The following SLC30A8 variants were observed in gnomAD, a reference collection of about 807,000 sequenced individuals.
SLC30A8 encodes solute carrier family 30 member 8.
Under a neutral mutation model 36.9 loss-of-function variants are expected in SLC30A8, and 27 were observed. That is an observed-to-expected ratio of 0.73 (90% CI 0.54 to 1.01). The LOEUF (loss-of-function observed/expected upper bound fraction) is 1.01, where lower values mean the gene tolerates loss of function less well. Ranked by LOEUF, SLC30A8 falls within the 50% of genes least tolerant of loss-of-function variation. The pLI, the probability that SLC30A8 is intolerant of heterozygous loss-of-function variation, is 0.00. For synonymous variants in SLC30A8, 164 were observed against 172.4 expected, an observed-to-expected ratio of 0.95 and a Z score of 0.38; for missense variants, 439 against 452.0, an observed-to-expected ratio of 0.97 and a Z score of 0.26.
intron 1 of SLC30A8, among the ~76,000 whole-genome samples, chr8:117,021,073 A>G (rs1816681763): frequency 6.6e-6 from 1 of 152,148 alleles, no homozygotes; most frequent in African/African-American, 2.4e-5. Context: ...CCTGTTTTTT[A>G]TGGTCCAAGG....
At chr8:117,090,660 C>A (rs7831269) in intron 2 of SLC30A8, among the ~76,000 whole-genome samples, 17,894 of 152,180 alleles carry the variant, frequency 0.12, 1,137 homozygotes, top group East Asian at 0.14. Context: ...AAAGGCTTCA[C>A]CTCCTAATCC....
chr8:117,156,893 G>T (rs565282287), intron 3 of SLC30A8, among the ~76,000 whole-genome samples: 3 of 152,160 alleles, frequency 2.0e-5, no homozygotes, highest in Non-Finnish European at 2.9e-5. Context: ...TCTGGGATTA[G>T]CTTAAAGTGG....
In SLC30A8 at chr8:117,161,722, T is replaced by C. The variant is rs747416909; in HGVS notation, c.573-16T>C. 3.1e-6 allele frequency: 5 copies of C among 1,610,092 alleles called. No individual in the cohort carries two copies. In the East Asian group the frequency reaches 6.7e-5, roughly 22 times the overall value. On this transcript the variant is annotated splice_polypyrimidine_tract_variant and intron_variant, in intron 4 of 7. Coordinates refer to ENST00000456015, the MANE Select transcript of SLC30A8 (RefSeq NM_173851.3). ...ACTGACCTCATGTGTGCTAAGAACA[T>C]TGTTCTCTCTTTCAGACTAACTGTG...
chr8:117,147,279 C>T (rs1821944305), intron 2 of SLC30A8, 126 bp downstream of exon 2: 2 of 759,018 alleles, frequency 2.6e-6, no homozygotes, highest in Non-Finnish European at 4.2e-6. Context: ...TAACAATATG[C>T]TCATTGTAGA....
chr8:117,111,146 T>C (rs974691989), intron 2 of SLC30A8, among the ~76,000 whole-genome samples: 3 of 152,114 alleles, frequency 2.0e-5, no homozygotes, highest in African/African-American at 7.2e-5. Flanking sequence ...AATAATAAAA[T>C]TAGAAAAAAT....
intron 1 of SLC30A8, among the ~76,000 whole-genome samples, chr8:117,017,492 C>G (rs1334479421): frequency 2.0e-5 from 3 of 152,226 alleles, no homozygotes; most frequent in Non-Finnish European, 4.4e-5. Flanking sequence ...TACTCTCTGT[C>G]TGGCATAGTT....
chr8:116,963,025 AAG>A (rs1393886335), intron 1 of SLC30A8, among the ~76,000 whole-genome samples: 2 of 151,908 alleles, frequency 1.3e-5, no homozygotes, highest in Non-Finnish European at 2.9e-5. Flanking sequence ...GGTGAAATTA[AAG>A]AGAGAGAAAC....
chr8:116,976,830 T>TCTTTTC (rs1815043951), intron 1 of SLC30A8, among the ~76,000 whole-genome samples: 7 of 142,670 alleles, frequency 4.9e-5, no homozygotes, highest in African/African-American at 1.8e-4. Flanking sequence ...TTCTTTTTTT[T>TCTTTTC]TTTTTTTTAC....
At chr8:117,016,934 A>G (rs1038125501) in intron 1 of SLC30A8, among the ~76,000 whole-genome samples, 1 of 152,102 alleles carries the variant, frequency 6.6e-6, no homozygotes, top group African/African-American at 2.4e-5. Flanking sequence ...GCATGCTCAC[A>G]ACAAGATAAA....
At chr8:117,129,476 A>T (rs1211059001) in intron 2 of SLC30A8, among the ~76,000 whole-genome samples, 1 of 152,006 alleles carries the variant, frequency 6.6e-6, no homozygotes, top group Non-Finnish European at 1.5e-5. Context: ...CCATAGGAAA[A>T]GTTCAAGGGA....
chr8:117,145,470 A>T (rs1201358926), intron 1 of SLC30A8, among the ~76,000 whole-genome samples: 1 of 152,094 alleles, frequency 6.6e-6, no homozygotes, highest in Non-Finnish European at 1.5e-5. Flanking sequence ...AGCCAAAACC[A>T]TCAGACTTTT....
At chr8:117,068,411 A>T (rs1207548536) in intron 2 of SLC30A8, among the ~76,000 whole-genome samples, 2 of 152,126 alleles carry the variant, frequency 1.3e-5, no homozygotes, top group Admixed American at 6.5e-5. Context: ...GATGATTATG[A>T]CTTTAATTAA....
intron 2 of SLC30A8, among the ~76,000 whole-genome samples, chr8:117,073,796 A>G (rs1465879464): frequency 1.3e-5 from 2 of 152,140 alleles, no homozygotes; most frequent in Non-Finnish European, 1.5e-5. Context: ...CACATGGATC[A>G]TAAAACCCAA....
chr8:117,069,670 A>G (rs1373258050), intron 2 of SLC30A8, among the ~76,000 whole-genome samples: 8 of 152,254 alleles, frequency 5.3e-5, no homozygotes, highest in Non-Finnish European at 7.3e-5. Flanking sequence ...ATCTACCTCT[A>G]TCATGAAGGC....
rs151281553 is a variant in SLC30A8 at position 116,959,405 on chromosome 8, A to G, written c.-266+8286A>G. Reference sequence around the variant, plus strand: ...AAGGTGTTTATCTGTCAATTTTAGTATCAATGTTAGTTCTAGATTGGCTTC... The same window carrying G: ...AAGGTGTTTATCTGTCAATTTTAGTGTCAATGTTAGTTCTAGATTGGCTTC... On this transcript the variant is annotated intron_variant, in intron 1 of 10. Transcript: ENST00000427715. Among the ~76,000 whole-genome samples, 399 of 152,302 alleles carry G rather than the reference A, an allele frequency of 2.6e-3. 1 individual carries two copies. The highest frequency in any genetic ancestry group is 9.0e-3 in the African/African-American group (376 of 41,566).
At chr8:117,037,029 A>T (rs891078508) in intron 1 of SLC30A8, among the ~76,000 whole-genome samples, 9 of 152,160 alleles carry the variant, frequency 5.9e-5, no homozygotes, top group African/African-American at 1.7e-4. Context: ...CAATTTTTAA[A>T]TTTTTTTTCA....
intron 4 of SLC30A8, among the ~76,000 whole-genome samples, chr8:117,161,149 T>G (rs1822772250): frequency 6.6e-6 from 1 of 152,226 alleles, no homozygotes; most frequent in Admixed American, 6.5e-5. Flanking sequence ...CATTAATATA[T>G]TTCTACTTCT....
intron 2 of SLC30A8, among the ~76,000 whole-genome samples, chr8:117,063,035 C>T (rs1278246567): frequency 6.6e-6 from 1 of 152,152 alleles, no homozygotes. Flanking sequence ...TGCTTAATGA[C>T]TTCGAGTCCA....
intron 1 of SLC30A8, among the ~76,000 whole-genome samples, chr8:117,144,827 A>G (rs1336545511): frequency 6.6e-6 from 1 of 152,078 alleles, no homozygotes; most frequent in African/African-American, 2.4e-5. Flanking sequence ...CCCTATTCTC[A>G]GCTCTATGAG....
Sources: gnomAD v4.1 joint callset for allele counts (sites outside exome capture counted in the v4.1 genomes callset) on GRCh38, gnomAD v4.1.1 for gene constraint, MANE v1.5 for transcripts, NCBI Gene and HGNC (gene_info 2026-07-23, HGNC 2026-07-21) for gene names.